STK39: variants seen among roughly 807,000 people sequenced by gnomAD.
STK39 encodes serine/threonine kinase 39.
Under a neutral mutation model 77.8 loss-of-function variants are expected in STK39, and 20 were observed. The ratio of observed to expected loss-of-function variants is 0.26; its 90% CI spans 0.18 to 0.37. The LOEUF (loss-of-function observed/expected upper bound fraction) is 0.37. STK39 is among the 10% of genes least tolerant of loss of function. The pLI, the probability that STK39 is intolerant of heterozygous loss-of-function variation, is 1.00. For missense variants in STK39, 479 were observed against 656.5 expected, an observed-to-expected ratio of 0.73 and a Z score of 2.95; for synonymous variants, 246 against 234.1, an observed-to-expected ratio of 1.05 and a Z score of -0.47.
chr2:168,082,543 T>C (rs1372569564), intron 10 of STK39, among the ~76,000 whole-genome samples: 1 of 152,234 alleles, frequency 6.6e-6, no homozygotes, highest in Non-Finnish European at 1.5e-5. Context: ...TCTTTTCCTT[T>C]AGCTCTTTCC....
At chr2:168,117,476 G>A (rs1183033512) in intron 10 of STK39, among the ~76,000 whole-genome samples, 2 of 152,150 alleles carry the variant, frequency 1.3e-5, no homozygotes, top group Non-Finnish European at 2.9e-5. Flanking sequence ...ATTGATAGTA[G>A]GCTACAGAAG....
chr2:168,142,363 C>T (rs147072259), intron 5 of STK39, among the ~76,000 whole-genome samples: 3 of 151,926 alleles, frequency 2.0e-5, no homozygotes, highest in African/African-American at 7.2e-5. Context: ...AACGATGAAT[C>T]CAACATTTCA....
chr2:168,076,619 A>T (rs1315852848), intron 10 of STK39, among the ~76,000 whole-genome samples: 1 of 152,230 alleles, frequency 6.6e-6, no homozygotes, highest in East Asian at 1.9e-4. Context: ...TTGAGCTCCA[A>T]CATAGAAAGT....
chr2:167,990,138 A>AT (rs1262004392), intron 16 of STK39, among the ~76,000 whole-genome samples: 1 of 152,174 alleles, frequency 6.6e-6, no homozygotes, highest in Non-Finnish European at 1.5e-5. Context: ...GGACAATGAG[A>AT]TTTTTTCACG....
chr2:168,143,455 G>A (rs1052013587), intron 5 of STK39, among the ~76,000 whole-genome samples: 9 of 152,204 alleles, frequency 5.9e-5, no homozygotes, highest in Non-Finnish European at 1.0e-4. Flanking sequence ...GCTCATGCCT[G>A]TAACCCCAGC....
At chr2:168,197,852 A>G (rs1689511089) in intron 1 of STK39, among the ~76,000 whole-genome samples, 1 of 152,116 alleles carries the variant, frequency 6.6e-6, no homozygotes, top group Admixed American at 6.5e-5. Flanking sequence ...CCTGGCCAAC[A>G]TGGTGAAACC....
At chr2:168,109,613 T>A (rs1687069426) in intron 10 of STK39, among the ~76,000 whole-genome samples, 1 of 152,212 alleles carries the variant, frequency 6.6e-6, no homozygotes, top group Admixed American at 6.5e-5. Flanking sequence ...CAGAAATAAC[T>A]TTTACAGGAA....
intron 12 of STK39, among the ~76,000 whole-genome samples, chr2:168,070,015 C>T (rs184122514): frequency 2.3e-3 from 354 of 152,188 alleles, no homozygotes; most frequent in Non-Finnish European, 3.6e-3. Flanking sequence ...GACAGAAAGT[C>T]ATAAAACATG....
chr2:168,136,108 C>A (rs911884333), intron 8 of STK39, among the ~76,000 whole-genome samples: 1 of 151,566 alleles, frequency 6.6e-6, no homozygotes, highest in Non-Finnish European at 1.5e-5. Context: ...GTAGCTCATG[C>A]CTGTAATCCC....
At chr2:168,009,232 C>A (rs577884016) in intron 16 of STK39, among the ~76,000 whole-genome samples, 169 of 152,004 alleles carry the variant, frequency 1.1e-3, no homozygotes, top group African/African-American at 3.8e-3. Context: ...AAAACATATT[C>A]ATATGCTGGT....
chr2:168,224,714 G>T (rs1358099587), intron 1 of STK39, among the ~76,000 whole-genome samples: 1 of 152,134 alleles, frequency 6.6e-6, no homozygotes, highest in Non-Finnish European at 1.5e-5. Flanking sequence ...TTGCTTATGT[G>T]CTAAAAAGGC....
At chr2:168,095,166 C>A (rs1037562947) in intron 10 of STK39, among the ~76,000 whole-genome samples, 2 of 152,220 alleles carry the variant, frequency 1.3e-5, no homozygotes, top group African/African-American at 4.8e-5. Flanking sequence ...CCAACTTCTA[C>A]AGTTGCTTCT....
intron 10 of STK39, among the ~76,000 whole-genome samples, chr2:168,082,824 T>C (rs1686271945): frequency 6.6e-6 from 1 of 152,166 alleles, no homozygotes; most frequent in Admixed American, 6.5e-5. Flanking sequence ...AAAGTTGAGT[T>C]TGCCACCCCT....
At chr2:168,171,355 C>T (rs138547576) in intron 2 of STK39, among the ~76,000 whole-genome samples, 1 of 151,700 alleles carries the variant, frequency 6.6e-6, no homozygotes. Flanking sequence ...CCAGACATTA[C>T]GCGCGTCATG....
chr2:168,056,861 A>G (rs1338465511), intron 14 of STK39, among the ~76,000 whole-genome samples: 1 of 152,212 alleles, frequency 6.6e-6, no homozygotes, highest in East Asian at 1.9e-4. Context: ...AGGATGGTTT[A>G]GAGAATAGCT....
At chr2:168,236,207 G>A (rs1275558065) in intron 1 of STK39, among the ~76,000 whole-genome samples, 27 of 152,174 alleles carry the variant, frequency 1.8e-4, no homozygotes, top group African/African-American at 6.3e-4. Flanking sequence ...GATAGCCAGC[G>A]ATGATGAGCA....
chr2:168,176,326 A>AG (rs1688955364), intron 2 of STK39, among the ~76,000 whole-genome samples: 1 of 148,732 alleles, frequency 6.7e-6, no homozygotes, highest in Non-Finnish European at 1.5e-5. Flanking sequence ...TAAAAGGAAG[A>AG]GAAAAAAAAA....
intron 5 of STK39, among the ~76,000 whole-genome samples, chr2:168,141,755 T>A (rs780079360): frequency 6.6e-6 from 1 of 152,210 alleles, no homozygotes; most frequent in Non-Finnish European, 1.5e-5. Context: ...ATCGCTCTCA[T>A]ACGCTTTTCC....
intron 14 of STK39, among the ~76,000 whole-genome samples, chr2:168,018,686 T>C (rs1270693421): frequency 1.3e-5 from 2 of 152,150 alleles, no homozygotes; most frequent in Non-Finnish European, 2.9e-5. Context: ...TACCCATCCC[T>C]GAACATCCTC....
Sources: gnomAD v4.1 joint callset for allele counts (sites outside exome capture counted in the v4.1 genomes callset) on GRCh38, gnomAD v4.1.1 for gene constraint, MANE v1.5 for transcripts, NCBI Gene and HGNC (gene_info 2026-07-23, HGNC 2026-07-21) for gene names.